The following SHMT1 variants were observed in gnomAD, a reference collection of about 807,000 sequenced individuals.
SHMT1 encodes the protein serine hydroxymethyltransferase 1.
Under a neutral mutation model 49.0 loss-of-function variants are expected in SHMT1, and 45 were observed. The ratio of observed to expected loss-of-function variants is 0.92; its 90% CI spans 0.72 to 1.18. The LOEUF (loss-of-function observed/expected upper bound fraction) is 1.18, where lower values mean the gene tolerates loss of function less well. Among genes scored for constraint, SHMT1 ranks in the 50% most tolerant of loss-of-function variants. The pLI, the probability that SHMT1 is intolerant of heterozygous loss-of-function variation, is 0.00. For missense variants in SHMT1, 541 were observed against 612.4 expected (o/e 0.88, Z 1.23); for synonymous variants, 232 against 246.6 (o/e 0.94, Z 0.55).
At position 18,328,497 on chromosome 17, in the gene SHMT1, AT is replaced by A; in HGVS notation, c.*252del. On this transcript the variant is annotated 3_prime_UTR_variant, in exon 12 of 12. Transcript: ENST00000316694. ...CGACATAGTATTTTATTTTCCTAGA[AT>A]TATGTCCAGCTGTGAGAAAGCCAGG... The A allele has an allele frequency of 1.9e-6, 1 of 530,672 alleles. No homozygotes were observed. Among genetic ancestry groups the A allele is most frequent in the Non-Finnish European group, 3.4e-6 (1 of 294,640 alleles). The allele number at this position is 530,672 out of a possible 1,614,324, so 32.9% of individuals were successfully genotyped here. A position where few individuals can be genotyped will look rare whatever the true frequency, so the allele number is the denominator to read the frequency against.
At position 18,340,768 on chromosome 17, in the gene SHMT1, TCTC is replaced by T. The variant is rs1352606289; in HGVS notation, c.562_564del (p.Glu188del). 1 of 1,613,458 alleles carries T rather than the reference TCTC, an allele frequency of 6.2e-7. No individual in the cohort carries two copies. On this transcript the variant is annotated inframe_deletion, in exon 6 of 12. Transcript: ENST00000316694. This position sits in a 1 kb window ranked among gnomAD's most constrained non-coding sequence, Gnocchi z 4.5. ...AGCTTCGGGTGGAAGAGGCGTGCGT[TCTC>T]CTCCAGCTGGTCATAGTTGATGTAG...
At chr17:18,333,505 GC>G (rs1488474392) in intron 8 of SHMT1, 3 of 181,422 alleles carry the variant, frequency 1.7e-5, no homozygotes, top group African/African-American at 7.2e-5. Flanking sequence ...CACTCTTGTT[GC>G]CCAGGCTGGA....
chr17:18,357,764 G>A (rs540817460), intron 1 of SHMT1, among the ~76,000 whole-genome samples: 2 of 151,964 alleles, frequency 1.3e-5, no homozygotes, highest in Admixed American at 6.6e-5. Flanking sequence ...AGCACTTTGG[G>A]AGGCCAGGAG....
At chr17:18,335,366 G>A (rs1983671559) in intron 8 of SHMT1, among the ~76,000 whole-genome samples, 193 bp downstream of exon 8, 1 of 152,238 alleles carries the variant, frequency 6.6e-6, no homozygotes, top group South Asian at 2.1e-4. Context: ...CCGTACACGT[G>A]GAGTGGATGC....
intron 9 of SHMT1, chr17:18,331,824 T>G (rs1274010622): frequency 2.6e-5 from 4 of 152,178 alleles, no homozygotes; most frequent in African/African-American, 7.2e-5. Context: ...TGGAAGACAG[T>G]TTTTTCACGG....
At position 18,353,564 on chromosome 17, in the gene SHMT1, G is replaced by T. The variant is rs192764916; in HGVS notation, c.242+108C>A. On this transcript the variant is annotated intron_variant, in intron 3 of 11. Transcript: ENST00000316694. Reference sequence around the variant, plus strand: ...GCAGGCGTGGAACAGAAATCCTACAGCTGGGAAGCTTATTGTTTTCTGAAA... The same window carrying T: ...GCAGGCGTGGAACAGAAATCCTACATCTGGGAAGCTTATTGTTTTCTGAAA... The T allele has an allele frequency of 1.5e-5, 17 of 1,153,382 alleles. No homozygotes were observed. In the Admixed American group the frequency reaches 2.9e-4, roughly 19 times the overall value. 71.4% of individuals were successfully genotyped at this position (1,153,382 alleles called of 1,614,324 possible). A position where few individuals can be genotyped will look rare whatever the true frequency, so the allele number is the denominator to read the frequency against.
intron 5 of SHMT1, among the ~76,000 whole-genome samples, chr17:18,346,807 G>A (rs992786359): frequency 6.6e-6 from 1 of 152,088 alleles, no homozygotes. Context: ...TTTATAATAC[G>A]GTGTTGACTA....
Position 18,340,235 on chromosome 17 carries a change from T to A in SHMT1, c.622A>T (p.Asn208Tyr), listed in dbSNP as rs1267179535. 1 of 1,614,124 alleles carries A rather than the reference T, an allele frequency of 6.2e-7. No homozygotes were observed. The highest frequency in any genetic ancestry group is 1.7e-5 in the Admixed American group (1 of 60,022). ...IIAGTSCYSRNLEYARLRKIA... is the reference protein window; with the variant it reads ...IIAGTSCYSRYLEYARLRKIA... ...TTCCGTAGCCGGGCATATTCCAGGT[T>A]TCGGGAGTAGCAGCTGGTTCCTGAG... The change falls in exon 7 of 12, where the codon AAC (asparagine) becomes TAC (tyrosine). Residue 208 changes from asparagine (N) to tyrosine (Y), a missense_variant. Transcript: ENST00000316694. The surrounding 1 kb of genome is among the most constrained non-coding windows in gnomAD (Gnocchi z 4.5).
At chr17:18,347,201 T>A (rs1464991481) in intron 5 of SHMT1, among the ~76,000 whole-genome samples, 1 of 152,180 alleles carries the variant, frequency 6.6e-6, no homozygotes, top group Non-Finnish European at 1.5e-5. Context: ...TGGTTGCTAT[T>A]CCCCAGGGTT....
chr17:18,350,743 T>G (rs1390361137), intron 3 of SHMT1, among the ~76,000 whole-genome samples: 6 of 152,028 alleles, frequency 3.9e-5, no homozygotes, highest in African/African-American at 1.4e-4. Context: ...TTTCTTTTTT[T>G]TTTTTCTGAG....
Position 18,362,389 on chromosome 17 carries a change from C to T in SHMT1, c.-20+983G>A, listed in dbSNP as rs542710759. 1.1e-4 allele frequency among the ~76,000 whole-genome samples: 17 copies of T among 152,196 alleles called. 1 individual carries two copies. In the South Asian group the frequency reaches 3.3e-3, roughly 30 times the overall value. On this transcript the variant is annotated intron_variant, in intron 1 of 11. Transcript: ENST00000316694. ...AGGCTGGAGTGCAGTGGCGTGATCT[C>T]CGCTCACTGCAACCTCCACCTCCCG... is the stretch of plus-strand genomic sequence containing the variant.
intron 10 of SHMT1, 56 bp from the exon 11 acceptor site, chr17:18,329,444 G>A: frequency 7.1e-7 from 1 of 1,400,772 alleles, no homozygotes; most frequent in Non-Finnish European, 1.0e-6. Context: ...TGTGATGGTG[G>A]TGCATTTAAA....
In SHMT1 at chr17:18,351,057, A is replaced by G. The variant is rs143179455; in HGVS notation, c.242+2615T>C. Among the ~76,000 whole-genome samples the G allele has an allele frequency of 3.4e-3, 520 of 152,040 alleles. 13 individuals are homozygous for G. Among genetic ancestry groups the G allele is most frequent in the Admixed American group, 0.032 (481 of 15,258 alleles). ...CTATTGTTTTCAAATATTGCCTTTG[A>G]TTTTAAATAATGTTCCAAAGGTAGA... On this transcript the variant is annotated intron_variant, in intron 3 of 11. Coordinates refer to ENST00000316694, the MANE Select transcript of SHMT1 (RefSeq NM_004169.5).
At chr17:18,339,231 AG>A (rs1486550886) in intron 7 of SHMT1, among the ~76,000 whole-genome samples, 2 of 152,084 alleles carry the variant, frequency 1.3e-5, no homozygotes, top group Non-Finnish European at 2.9e-5. Flanking sequence ...GTAGGTTATG[AG>A]GTAATGGAAA....
rs908455797 is a variant in SHMT1 at position 18,347,476 on chromosome 17, G to A, written c.519+20C>T. 6.2e-7 allele frequency: 1 copy of A among 1,613,148 alleles called. No homozygotes were observed. Among genetic ancestry groups the A allele is most frequent in the Non-Finnish European group, 8.5e-7 (1 of 1,179,748 alleles). On this transcript the variant is annotated intron_variant, in intron 5 of 11. Coordinates refer to ENST00000316694, the MANE Select transcript of SHMT1 (RefSeq NM_004169.5). ...AGGTTTCCCAAGGAAATAAAAGCTA[G>A]GAGAGAAACACATGCTTACCTTGTA...
At chr17:18,353,472 C>T (rs1985919055) in intron 3 of SHMT1, 200 bp downstream of exon 3, 4 of 665,798 alleles carry the variant, frequency 6.0e-6, no homozygotes, top group Non-Finnish European at 8.0e-6. Flanking sequence ...AAATGTGCCC[C>T]TGAGTACACC....
intron 9 of SHMT1, 122 bp from the exon 10 acceptor site, chr17:18,330,793 C>T: frequency 2.8e-6 from 2 of 723,908 alleles, no homozygotes; most frequent in Non-Finnish European, 5.0e-6. Flanking sequence ...TGAGCACCCC[C>T]ACCACATGGC....
At position 18,355,198 on chromosome 17, in the gene SHMT1, C is replaced by T. The variant is rs939353396; in HGVS notation, c.96+688G>A. ...TCCTGGCTAACATGGTGAAACCCCACCTCTACTAAAAAATACAAAAAATTA... is the reference window on the plus strand; with the variant it reads ...TCCTGGCTAACATGGTGAAACCCCATCTCTACTAAAAAATACAAAAAATTA... On this transcript the variant is annotated intron_variant, in intron 2 of 11. Coordinates refer to ENST00000316694, the MANE Select transcript of SHMT1 (RefSeq NM_004169.5). Among the ~76,000 whole-genome samples the T allele has an allele frequency of 3.5e-5, 5 of 143,304 alleles. No individual in the cohort carries two copies. In the Admixed American group the frequency reaches 3.6e-4, roughly 10 times the overall value. 94.0% of individuals were successfully genotyped at this position (143,304 alleles called of 152,430 possible).
chr17:18,348,045 G>A (rs1184761850), intron 4 of SHMT1, among the ~76,000 whole-genome samples: 2 of 151,458 alleles, frequency 1.3e-5, no homozygotes, highest in Non-Finnish European at 2.9e-5. Context: ...CTCAGGCTCC[G>A]AGTAGCTGGG....
Sources: allele counts gnomAD v4.1 joint callset (sites outside exome capture counted in the v4.1 genomes callset), GRCh38; gene constraint gnomAD v4.1.1; non-coding constraint Gnocchi (gnomAD v3.1); transcripts MANE v1.5; gene names NCBI Gene and HGNC (gene_info 2026-07-23, HGNC 2026-07-21).